Variants in DPYD observed in about 807,000 individuals in gnomAD.
DPYD encodes dihydropyrimidine dehydrogenase [NADP(+)].
Under a neutral mutation model 116.2 loss-of-function variants are expected in DPYD, and 109 were observed. The observed-to-expected ratio is 0.94, with a 90% CI of 0.80 to 1.10. DPYD has a LOEUF of 1.10. Among genes scored for constraint, DPYD ranks in the 50% least tolerant of loss-of-function variants. The pLI is 0.00. For missense variants in DPYD, 1,302 were observed against 1,254.5 expected (o/e 1.04, Z -0.57); for synonymous variants, 440 against 432.0 (o/e 1.02, Z -0.23).
chr1:97,919,700 T>C (rs1674404944), intron 1 of DPYD, among the ~76,000 whole-genome samples: 1 of 152,192 alleles, frequency 6.6e-6, no homozygotes, highest in Admixed American at 6.5e-5. Context: ...AACAACTATT[T>C]GTTAAATATA....
intron 3 of DPYD, among the ~76,000 whole-genome samples, chr1:97,750,426 T>A (rs1664806420): frequency 1.3e-5 from 2 of 152,174 alleles, no homozygotes; most frequent in Admixed American, 6.5e-5. Context: ...TGTAAACCCA[T>A]CTTAGGGCAT....
intron 14 of DPYD, among the ~76,000 whole-genome samples, chr1:97,415,805 C>T (rs898691601): frequency 3.3e-5 from 5 of 152,146 alleles, no homozygotes; most frequent in Non-Finnish European, 7.3e-5. Flanking sequence ...ACTCCTATAG[C>T]ATGTGCAGCT....
intron 16 of DPYD, among the ~76,000 whole-genome samples, chr1:97,356,228 C>G (rs568154814): frequency 6.6e-6 from 1 of 152,074 alleles, no homozygotes; most frequent in Non-Finnish European, 1.5e-5. Context: ...TGTGTTATTT[C>G]TTTTAAGAAA....
chr1:97,081,723 T>C (rs1254250602), intron 22 of DPYD, among the ~76,000 whole-genome samples: 48 of 92,934 alleles, frequency 5.2e-4, no homozygotes, highest in Middle Eastern at 8.8e-3. Flanking sequence ...TTTTCTTTTT[T>C]TTTTTTTTTT....
intron 8 of DPYD, among the ~76,000 whole-genome samples, chr1:97,616,366 T>C (rs1410807828): frequency 6.6e-6 from 1 of 152,160 alleles, no homozygotes; most frequent in Admixed American, 6.6e-5. Context: ...TTTTTAAATA[T>C]CCAAGGATCA....
chr1:97,358,950 T>C (rs1273447831), intron 16 of DPYD, among the ~76,000 whole-genome samples: 1 of 151,934 alleles, frequency 6.6e-6, no homozygotes, highest in Non-Finnish European at 1.5e-5. Context: ...AAAAGCTGGA[T>C]GGAGAATGAT....
At chr1:97,523,738 G>T (rs1648856265) in intron 12 of DPYD, among the ~76,000 whole-genome samples, 2 of 151,952 alleles carry the variant, frequency 1.3e-5, no homozygotes, top group South Asian at 2.1e-4. Flanking sequence ...TTTCCTGCCG[G>T]TGTTAATGCT....
Position 97,613,686 on chromosome 1 carries a change from T to C in DPYD, c.851-18520A>G, listed in dbSNP as rs578050678. Among the ~76,000 whole-genome samples, 3 of 152,124 alleles carry C rather than the reference T, an allele frequency of 2.0e-5. No individual in the cohort carries two copies. The East Asian group carries it at 5.8e-4, about 29-fold the overall frequency. ...TGAATATAGCGTTTAAGTAATAAAATGAATCCTAATGTACAGATTTTTAGG... is the reference window on the plus strand; with the variant it reads ...TGAATATAGCGTTTAAGTAATAAAACGAATCCTAATGTACAGATTTTTAGG... On this transcript the variant is annotated intron_variant, in intron 8 of 22. Transcript: ENST00000370192.
intron 19 of DPYD, among the ~76,000 whole-genome samples, chr1:97,201,685 A>G (rs1659214221): frequency 6.6e-6 from 1 of 152,124 alleles, no homozygotes; most frequent in Non-Finnish European, 1.5e-5. Flanking sequence ...ATTAGTTTCT[A>G]TCTGTTGGAG....
At chr1:97,206,342 T>C (rs1423221954) in intron 19 of DPYD, among the ~76,000 whole-genome samples, 1 of 151,980 alleles carries the variant, frequency 6.6e-6, no homozygotes, top group South Asian at 2.1e-4. Context: ...TTACTTAGGT[T>C]ACTTATTATG....
chr1:97,477,164 T>C (rs1678012590), intron 13 of DPYD, among the ~76,000 whole-genome samples: 1 of 152,236 alleles, frequency 6.6e-6, no homozygotes, highest in African/African-American at 2.4e-5. Flanking sequence ...TAACATGCAA[T>C]GCTATTTGGA....
At chr1:97,399,577 T>A (rs1673236823) in intron 14 of DPYD, among the ~76,000 whole-genome samples, 1 of 152,206 alleles carries the variant, frequency 6.6e-6, no homozygotes, top group African/African-American at 2.4e-5. Context: ...TTCCTGTCCA[T>A]GAGCATGGAA....
In DPYD at chr1:97,684,579, A is replaced by G. The variant is rs529074343; in HGVS notation, c.763-5397T>C. On this transcript the variant is annotated intron_variant, in intron 7 of 22. Transcript: ENST00000370192. Reference sequence around the variant, plus strand: ...GGTTTTTTGAAAAAAAAATATATATATATATACACACACACCAATAGGTAG... The same window carrying G: ...GGTTTTTTGAAAAAAAAATATATATGTATATACACACACACCAATAGGTAG... Among the ~76,000 whole-genome samples the G allele has an allele frequency of 1.5e-3, 229 of 151,882 alleles. 1 individual carries two copies. Among genetic ancestry groups the G allele is most frequent in the African/African-American group, 5.3e-3 (220 of 41,456 alleles).
At chr1:97,098,653 T>C (rs2101595411) in intron 20 of DPYD, 21 bp from the exon 21 acceptor site, 2 of 1,612,130 alleles carry the variant, frequency 1.2e-6, no homozygotes, top group African/African-American at 1.3e-5. Flanking sequence ...AACACACAAA[T>C]AAGGAAGCAT....
chr1:97,380,919 CT>C (rs1334075811), intron 15 of DPYD, among the ~76,000 whole-genome samples: 1 of 152,168 alleles, frequency 6.6e-6, no homozygotes, highest in Non-Finnish European at 1.5e-5. Context: ...TGAAATCATG[CT>C]GCTTAATGCT....
intron 16 of DPYD, among the ~76,000 whole-genome samples, chr1:97,372,079 C>T (rs1671339832): frequency 6.6e-6 from 1 of 152,040 alleles, no homozygotes; most frequent in Non-Finnish European, 1.5e-5. Flanking sequence ...AAGCCTACTC[C>T]AAAAAATAAA....
chr1:97,517,238 C>T (rs1648297786), intron 12 of DPYD, among the ~76,000 whole-genome samples: 1 of 151,986 alleles, frequency 6.6e-6, no homozygotes, highest in South Asian at 2.1e-4. Context: ...GGCTTCAAGG[C>T]ACATTTCTGA....
chr1:97,359,564 G>C (rs1464663099), intron 16 of DPYD, among the ~76,000 whole-genome samples: 1 of 152,132 alleles, frequency 6.6e-6, no homozygotes, highest in East Asian at 1.9e-4. Context: ...AGAGAGAAAG[G>C]TCGGGTTACC....
intron 3 of DPYD, among the ~76,000 whole-genome samples, chr1:97,813,035 C>T (rs1338638161): frequency 6.6e-6 from 1 of 152,078 alleles, no homozygotes; most frequent in Non-Finnish European, 1.5e-5. Context: ...AATAGACTTT[C>T]ATTTTGGTGG....
Sources: allele counts gnomAD v4.1 joint callset (sites outside exome capture counted in the v4.1 genomes callset), GRCh38; gene constraint gnomAD v4.1.1; transcripts MANE v1.5; gene names NCBI Gene and HGNC (gene_info 2026-07-23, HGNC 2026-07-21).